The following DAP variants were observed in gnomAD, a reference collection of about 807,000 sequenced individuals.
The protein encoded by DAP is death associated protein.
DAP carries 8 observed loss-of-function variants against 13.8 expected under a neutral mutation model. The ratio of observed to expected loss-of-function variants is 0.58; its 90% CI spans 0.34 to 1.05. The LOEUF is 1.05. Among genes scored for constraint, DAP ranks in the 50% least tolerant of loss-of-function variants. The pLI, the probability that DAP is intolerant of heterozygous loss-of-function variation, is 0.03. For missense variants in DAP, 106 were observed against 133.2 expected, an observed-to-expected ratio of 0.80 and a Z score of 1.01; for synonymous variants, 47 against 47.5, an observed-to-expected ratio of 0.99 and a Z score of 0.04.
At chr5:10,721,986 G>T (rs4702725) in intron 2 of DAP, among the ~76,000 whole-genome samples, 12,806 of 152,180 alleles carry the variant, frequency 0.084, 744 homozygotes, top group East Asian at 0.29. Context: ...GGATCAGTGC[G>T]TTTCTGGTAG....
intron 2 of DAP, among the ~76,000 whole-genome samples, chr5:10,736,231 C>T (rs1437258542): frequency 6.6e-6 from 1 of 152,130 alleles, no homozygotes; most frequent in Non-Finnish European, 1.5e-5. Flanking sequence ...AACTGTGAGA[C>T]GAAACATTTC....
intron 1 of DAP, among the ~76,000 whole-genome samples, chr5:10,749,743 CTTT>C (rs34643253): frequency 2.5e-5 from 3 of 118,636 alleles, no homozygotes; most frequent in East Asian, 2.3e-4. Context: ...GACCACACAA[CTTT>C]TTTTTTTTTT....
At chr5:10,682,925 G>C (rs1738060134) in intron 3 of DAP, among the ~76,000 whole-genome samples, 1 of 152,246 alleles carries the variant, frequency 6.6e-6, no homozygotes, top group South Asian at 2.1e-4. Context: ...GCCAGGCCTG[G>C]GACGCTGGCT....
At chr5:10,709,791 C>T (rs143931904) in intron 2 of DAP, among the ~76,000 whole-genome samples, 2 of 152,348 alleles carry the variant, frequency 1.3e-5, no homozygotes, top group Admixed American at 1.3e-4. Context: ...TGACAGTTAC[C>T]CACCTGGAAC....
intron 2 of DAP, among the ~76,000 whole-genome samples, chr5:10,740,722 C>T (rs906377903): frequency 4.6e-5 from 7 of 152,168 alleles, no homozygotes; most frequent in African/African-American, 1.7e-4. Context: ...AAAACAAAGA[C>T]ATTTTCAGAA....
intron 2 of DAP, among the ~76,000 whole-genome samples, chr5:10,696,511 C>G (rs1274533684): frequency 6.6e-6 from 1 of 152,196 alleles, no homozygotes; most frequent in Non-Finnish European, 1.5e-5. Flanking sequence ...GATGAGCAGC[C>G]TCTCAAAGCC....
intron 2 of DAP, among the ~76,000 whole-genome samples, chr5:10,719,028 A>G (rs538648796): frequency 6.6e-6 from 1 of 152,216 alleles, no homozygotes; most frequent in Non-Finnish European, 1.5e-5. Flanking sequence ...CACGCCAGAG[A>G]ATGAAAAATC....
At chr5:10,699,509 G>A (rs1390614025) in intron 2 of DAP, among the ~76,000 whole-genome samples, 2 of 152,240 alleles carry the variant, frequency 1.3e-5, no homozygotes, top group Admixed American at 6.5e-5. Flanking sequence ...AAGCTAATGC[G>A]AAAGCAGGTC....
intron 2 of DAP, among the ~76,000 whole-genome samples, chr5:10,724,488 G>A (rs1739234063): frequency 1.3e-5 from 2 of 152,144 alleles, no homozygotes; most frequent in Non-Finnish European, 2.9e-5. Context: ...GGCACCAAAG[G>A]TTCATGATTT....
chr5:10,743,124 C>T (rs1343676951), intron 2 of DAP, among the ~76,000 whole-genome samples: 3 of 152,198 alleles, frequency 2.0e-5, no homozygotes, highest in African/African-American at 7.2e-5. Context: ...TTCAGAATTG[C>T]TAAACCATGC....
intron 2 of DAP, among the ~76,000 whole-genome samples, chr5:10,713,239 A>G (rs942827363): frequency 2.6e-5 from 4 of 152,212 alleles, no homozygotes; most frequent in African/African-American, 4.8e-5. Flanking sequence ...TAACATTGGA[A>G]TCGAAGGTCA....
Position 10,761,102 on chromosome 5 carries a change from GGCGCGGTTCTCGGGCCGGGCGGGCGT to G in DAP, c.-60_-35del. On this transcript the variant is annotated 5_prime_UTR_variant, in exon 1 of 4. Coordinates refer to ENST00000230895, the MANE Select transcript of DAP (RefSeq NM_004394.3). The stretch of plus-strand genomic sequence containing the variant: ...GGGGCTTCCGCGGGGCCGAGGCGGC[GGCGCGGTTCTCGGGCCGGGCGGGCGT>G]GCGCGAGTGAGCTCAGGTGTGAGCG... 8.5e-7 allele frequency: 1 copy of G among 1,178,614 alleles called. No homozygotes were observed. The highest frequency in any genetic ancestry group is 1.1e-6 in the Non-Finnish European group (1 of 937,458). 73.0% of individuals were successfully genotyped at this position (1,178,614 alleles called of 1,614,324 possible).
chr5:10,695,267 T>G (rs1738414038), intron 2 of DAP, among the ~76,000 whole-genome samples: 1 of 152,148 alleles, frequency 6.6e-6, no homozygotes, highest in Non-Finnish European at 1.5e-5. Flanking sequence ...CCGCGAACGC[T>G]CCGGCCAGCT....
In DAP at chr5:10,759,965, G is replaced by C. The variant is rs1428089719; in HGVS notation, c.55+1049C>G. Reference sequence around the variant, plus strand: ...AGATGGGGTTTCACCATGTTATCCAGGCTAGTCTTGAACTCCTGACCTCAA... The same window carrying C: ...AGATGGGGTTTCACCATGTTATCCACGCTAGTCTTGAACTCCTGACCTCAA... On this transcript the variant is annotated intron_variant, in intron 1 of 3. Transcript: ENST00000230895. Among the ~76,000 whole-genome samples the C allele has an allele frequency of 2.0e-5, 3 of 151,958 alleles. No homozygotes were observed. The East Asian group carries it at 5.8e-4, about 29-fold the overall frequency.
chr5:10,755,121 T>A (rs114322326), intron 1 of DAP, among the ~76,000 whole-genome samples: 2,700 of 152,256 alleles, frequency 0.018, 57 homozygotes, highest in Middle Eastern at 0.099. Context: ...GGTCTCTGAA[T>A]GTGAAAGAGG....
chr5:10,735,653 C>A (rs1182772202), intron 2 of DAP, among the ~76,000 whole-genome samples: 1 of 152,136 alleles, frequency 6.6e-6, no homozygotes, highest in African/African-American at 2.4e-5. Context: ...AAATTTGGGG[C>A]CACACCACTG....
At chr5:10,756,129 G>C (rs893874585) in intron 1 of DAP, among the ~76,000 whole-genome samples, 5 of 91,932 alleles carry the variant, frequency 5.4e-5, no homozygotes, top group African/African-American at 2.3e-4. Context: ...GCCTGAGAGA[G>C]ACCCTGTCTA....
At position 10,681,146 on chromosome 5, in the gene DAP, C is replaced by A; in HGVS notation, c.219G>T (p.Ala73=). The change falls in exon 4 of 4, where the codon GCG becomes GCT. Residue 73 remains alanine (A), a synonymous_variant. Transcript: ENST00000230895. ...GCTTCTGGTGAGCCACCTGCGCAGC[C>A]GCCGGGGGGAAATCTTTGTCACCCT... ...IARGDKDFPP[A]AAQVAHQKPH... is the part of the protein sequence containing the mutation. The A allele has an allele frequency of 6.6e-7, 1 of 1,521,646 alleles. No individual in the cohort carries two copies. The allele number at this position is 1,521,646 out of a possible 1,614,324, so 94.3% of individuals were successfully genotyped here.
chr5:10,700,772 T>C (rs1055574112), intron 2 of DAP, among the ~76,000 whole-genome samples: 4 of 152,150 alleles, frequency 2.6e-5, no homozygotes, highest in Admixed American at 6.5e-5. Context: ...TCTGCAGCAT[T>C]ATAGGACTCA....
Sources: allele counts gnomAD v4.1 joint callset (sites outside exome capture counted in the v4.1 genomes callset), GRCh38; gene constraint gnomAD v4.1.1; transcripts MANE v1.5; gene names NCBI Gene and HGNC (gene_info 2026-07-23, HGNC 2026-07-21).